DLG2: variants seen among roughly 807,000 people sequenced by gnomAD.
DLG2 encodes discs large MAGUK scaffold protein 2.
Under a neutral mutation model 132.5 loss-of-function variants are expected in DLG2, and 45 were observed. That is an observed-to-expected ratio of 0.34 (90% CI 0.27 to 0.44). The LOEUF is 0.44. DLG2 is among the 20% of genes least tolerant of loss of function. The pLI, the probability that DLG2 is intolerant of heterozygous loss-of-function variation, is 1.00. For synonymous variants in DLG2, 424 were observed against 419.6 expected (o/e 1.01, Z -0.13); for missense variants, 1,045 against 1,196.9 (o/e 0.87, Z 1.87).
intron 6 of DLG2, among the ~76,000 whole-genome samples, chr11:85,007,110 G>C (rs1316899747): frequency 6.6e-6 from 1 of 152,022 alleles, no homozygotes; most frequent in African/African-American, 2.4e-5. Context: ...TAGAAGTCAT[G>C]GTTGCAAATA....
intron 6 of DLG2, among the ~76,000 whole-genome samples, chr11:84,798,024 C>A (rs994179179): frequency 2.6e-5 from 4 of 152,168 alleles, no homozygotes; most frequent in African/African-American, 7.2e-5. Context: ...TTCTCCCAAA[C>A]AGAGTCTCTC....
In DLG2 at chr11:83,550,066, TA is replaced by T. The variant is rs372594929; in HGVS notation, c.1941-8209del. 9.2e-5 allele frequency among the ~76,000 whole-genome samples: 14 copies of T among 152,324 alleles called. No homozygotes were observed. The East Asian group carries it at 2.7e-3, about 29-fold the overall frequency. The stretch of plus-strand genomic sequence containing the variant: ...ATGGGTTATACCACTTAATCAACCT[TA>T]TAAAGCAGATTGGTATTATTTAAAG... On this transcript the variant is annotated intron_variant, in intron 19 of 27. Coordinates refer to ENST00000376104, the MANE Select transcript of DLG2 (RefSeq NM_001142699.3).
At chr11:85,424,623 A>G in intron 3 of DLG2, among the ~76,000 whole-genome samples, 1 of 152,202 alleles carries the variant, frequency 6.6e-6, no homozygotes, top group South Asian at 2.1e-4. Flanking sequence ...GGGGTTAGGC[A>G]TTACTATTCT....
intron 19 of DLG2, among the ~76,000 whole-genome samples, chr11:83,543,680 C>A (rs2096152073): frequency 6.6e-6 from 1 of 152,080 alleles, no homozygotes; most frequent in African/African-American, 2.4e-5. Flanking sequence ...ATATATAAAG[C>A]ATGTACAAAT....
chr11:84,509,218 G>T (rs2099250592), intron 7 of DLG2, among the ~76,000 whole-genome samples: 1 of 152,116 alleles, frequency 6.6e-6, no homozygotes, highest in Non-Finnish European at 1.5e-5. Flanking sequence ...CTGAATTCTG[G>T]AAAATGTCTC....
chr11:84,881,221 T>C (rs1447964343), intron 6 of DLG2, among the ~76,000 whole-genome samples: 5 of 152,142 alleles, frequency 3.3e-5, no homozygotes, highest in African/African-American at 9.7e-5. Flanking sequence ...TATCTCTTCC[T>C]GATAACAGGT....
intron 4 of DLG2, among the ~76,000 whole-genome samples, chr11:85,172,671 C>T (rs2078959513): frequency 6.6e-6 from 1 of 152,116 alleles, no homozygotes; most frequent in Non-Finnish European, 1.5e-5. Context: ...GAATAACAAA[C>T]TTTGCTGAGC....
chr11:83,662,381 C>T (rs1259000049), intron 18 of DLG2, among the ~76,000 whole-genome samples: 1 of 152,168 alleles, frequency 6.6e-6, no homozygotes, highest in Non-Finnish European at 1.5e-5. Context: ...AAAGACACGA[C>T]CCCCAGCTCT....
At chr11:85,225,089 AT>A (rs1458506226) in intron 4 of DLG2, among the ~76,000 whole-genome samples, 1 of 152,134 alleles carries the variant, frequency 6.6e-6, no homozygotes, top group African/African-American at 2.4e-5. Context: ...TAGGCTTTAA[AT>A]TTAGTGGAAA....
intron 15 of DLG2, among the ~76,000 whole-genome samples, chr11:83,878,500 A>C (rs905617400): frequency 6.6e-6 from 1 of 152,240 alleles, no homozygotes; most frequent in Non-Finnish European, 1.5e-5. Flanking sequence ...CACCTGAAAC[A>C]CATTGTTAGA....
At chr11:84,259,603 C>G (rs1396430355) in intron 7 of DLG2, among the ~76,000 whole-genome samples, 1 of 152,146 alleles carries the variant, frequency 6.6e-6, no homozygotes, top group Non-Finnish European at 1.5e-5. Flanking sequence ...TTGGAGGAAG[C>G]TAAGATTGTG....
chr11:84,382,153 C>A (rs2098750994), intron 7 of DLG2, among the ~76,000 whole-genome samples: 1 of 152,134 alleles, frequency 6.6e-6, no homozygotes. Context: ...AGCTTTCCTG[C>A]TAGAAATCAG....
chr11:84,194,711 C>G (rs905646398), intron 8 of DLG2, among the ~76,000 whole-genome samples: 2 of 152,240 alleles, frequency 1.3e-5, no homozygotes, highest in Non-Finnish European at 2.9e-5. Flanking sequence ...CTCAACCTGA[C>G]TCAGGACCCC....
At chr11:83,641,396 A>C (rs1591520214) in intron 18 of DLG2, among the ~76,000 whole-genome samples, 1 of 152,308 alleles carries the variant, frequency 6.6e-6, no homozygotes, top group East Asian at 1.9e-4. Flanking sequence ...ATGATGATAC[A>C]AAAATAATTT....
intron 3 of DLG2, among the ~76,000 whole-genome samples, chr11:85,518,071 T>C (rs2094204613): frequency 6.6e-6 from 1 of 152,168 alleles, no homozygotes; most frequent in Admixed American, 6.6e-5. Flanking sequence ...TTTTGTAAAT[T>C]ACCCAATCTC....
chr11:84,757,386 G>T (rs2067022761), intron 6 of DLG2, among the ~76,000 whole-genome samples: 1 of 151,806 alleles, frequency 6.6e-6, no homozygotes, highest in Admixed American at 6.6e-5. Flanking sequence ...TTTTACAAAA[G>T]TATTGGTCTG....
In DLG2 at chr11:83,549,114, G is replaced by T. The variant is rs190481582; in HGVS notation, c.1941-7256C>A. On this transcript the variant is annotated intron_variant, in intron 19 of 27. Transcript: ENST00000376104. ...ATTTCCTTCATTTCTTGAAGTTGAG[G>T]CCTCTGCTTGATTAGAGGAGACCTG... 7.9e-5 allele frequency among the ~76,000 whole-genome samples: 12 copies of T among 152,242 alleles called. No individual in the cohort carries two copies. In the East Asian group the frequency reaches 1.7e-3, roughly 22 times the overall value.
chr11:84,825,375 G>A (rs867889094), intron 6 of DLG2, among the ~76,000 whole-genome samples: 17 of 152,032 alleles, frequency 1.1e-4, no homozygotes, highest in Middle Eastern at 6.8e-3. Context: ...GCTTCTGCAA[G>A]TCATGAGGAC....
chr11:84,195,485 T>C (rs1477563303), intron 8 of DLG2, among the ~76,000 whole-genome samples: 1 of 152,132 alleles, frequency 6.6e-6, no homozygotes, highest in Admixed American at 6.5e-5. Context: ...CTTCTCCGCC[T>C]ACCCAATATT....
Sources: allele counts gnomAD v4.1 joint callset (sites outside exome capture counted in the v4.1 genomes callset), GRCh38; gene constraint gnomAD v4.1.1; transcripts MANE v1.5; gene names NCBI Gene and HGNC (gene_info 2026-07-23, HGNC 2026-07-21).